GPC6: variants seen among roughly 807,000 people sequenced by gnomAD.
GPC6 encodes glypican 6.
A neutral mutation model predicts 55.2 loss-of-function variants in GPC6; 14 were observed. The observed-to-expected ratio is 0.25, with a 90% CI of 0.17 to 0.40. The LOEUF (loss-of-function observed/expected upper bound fraction) is 0.40. Ranked by LOEUF, GPC6 falls within the 10% of genes least tolerant of loss-of-function variation. The pLI is 1.00. For missense variants in GPC6, 641 were observed against 708.5 expected (o/e 0.90, Z 1.08); for synonymous variants, 278 against 259.6 (o/e 1.07, Z -0.68).
chr13:93,923,130 G>C (rs143233762), intron 3 of GPC6, among the ~76,000 whole-genome samples: 36 of 152,258 alleles, frequency 2.4e-4, no homozygotes, highest in African/African-American at 8.4e-4. Flanking sequence ...CACATTAACT[G>C]TTCTGTGTAC....
chr13:93,233,227 A>T (rs1876120731), intron 1 of GPC6, among the ~76,000 whole-genome samples: 1 of 152,120 alleles, frequency 6.6e-6, no homozygotes. Flanking sequence ...AGGGTTCCAT[A>T]GTGGTGAGAC....
chr13:93,968,503 A>T (rs901296950), intron 3 of GPC6, among the ~76,000 whole-genome samples: 2 of 152,162 alleles, frequency 1.3e-5, no homozygotes, highest in African/African-American at 4.8e-5. Context: ...TGTTAATATA[A>T]GACAATATTC....
intron 1 of GPC6, among the ~76,000 whole-genome samples, chr13:93,428,607 A>G (rs1566352020): frequency 6.6e-6 from 1 of 152,152 alleles, no homozygotes; most frequent in Non-Finnish European, 1.5e-5. Context: ...AATGATTATT[A>G]CGCAGAGTGC....
intron 2 of GPC6, among the ~76,000 whole-genome samples, chr13:93,704,436 A>G (rs1882776730): frequency 1.3e-5 from 2 of 151,952 alleles, no homozygotes; most frequent in Admixed American, 1.3e-4. Flanking sequence ...TAAAGCAGGA[A>G]TATCTTTAAT....
chr13:93,502,634 A>AT (rs1192263141), intron 1 of GPC6, among the ~76,000 whole-genome samples: 2 of 152,100 alleles, frequency 1.3e-5, no homozygotes, highest in African/African-American at 4.8e-5. Context: ...TTTCTTCAAC[A>AT]TTTTTTATGC....
intron 3 of GPC6, among the ~76,000 whole-genome samples, chr13:93,851,184 G>A (rs1888381544): frequency 6.6e-6 from 1 of 151,950 alleles, no homozygotes; most frequent in Admixed American, 6.6e-5. Context: ...ATGCCTAATG[G>A]ATTTCCATGG....
At chr13:93,617,361 ATCTC>A (rs1878766704) in intron 2 of GPC6, among the ~76,000 whole-genome samples, 1 of 152,148 alleles carries the variant, frequency 6.6e-6, no homozygotes, top group South Asian at 2.1e-4. Context: ...TGCCTCATTC[ATCTC>A]TCTATTTCTG....
intron 2 of GPC6, among the ~76,000 whole-genome samples, chr13:93,784,931 A>G (rs1479783946): frequency 1.3e-5 from 2 of 152,194 alleles, no homozygotes; most frequent in Non-Finnish European, 2.9e-5. Context: ...TGTATAATAG[A>G]TAAATTGAAT....
At chr13:93,565,689 T>G (rs1374466811) in intron 2 of GPC6, among the ~76,000 whole-genome samples, 1 of 152,030 alleles carries the variant, frequency 6.6e-6, no homozygotes, top group Non-Finnish European at 1.5e-5. Flanking sequence ...TTTGGGAGGC[T>G]AAAGCAGGTG....
chr13:93,461,800 G>A (rs750352844), intron 1 of GPC6, among the ~76,000 whole-genome samples: 4 of 152,144 alleles, frequency 2.6e-5, no homozygotes, highest in South Asian at 4.1e-4. Flanking sequence ...AAAATCATTC[G>A]TTCATAACCT....
At chr13:93,835,463 G>T (rs1337987489) in intron 3 of GPC6, among the ~76,000 whole-genome samples, 1 of 151,946 alleles carries the variant, frequency 6.6e-6, no homozygotes, top group South Asian at 2.1e-4. Context: ...TCAAAAAAAC[G>T]TGACTTCTGG....
chr13:94,234,695 C>T (rs994930957), intron 4 of GPC6, among the ~76,000 whole-genome samples: 3 of 151,578 alleles, frequency 2.0e-5, no homozygotes, highest in Non-Finnish European at 4.4e-5. Flanking sequence ...CTCTTTTTTT[C>T]CAGTGTTTCA....
chr13:94,149,387 T>G (rs115287842), intron 4 of GPC6, among the ~76,000 whole-genome samples: 3,358 of 152,240 alleles, frequency 0.022, 124 homozygotes, highest in African/African-American at 0.077. Flanking sequence ...CTTACTAATG[T>G]CAGTAAAGAC....
chr13:93,653,881 A>G (rs183036007), intron 2 of GPC6, among the ~76,000 whole-genome samples: 1 of 152,270 alleles, frequency 6.6e-6, no homozygotes, highest in East Asian at 1.9e-4. Flanking sequence ...TTAAATTTGG[A>G]TAGGCCATTG....
At chr13:93,825,860 C>CTTTTTTTTTTTTTTTTTTTT (rs1029574657) in intron 2 of GPC6, among the ~76,000 whole-genome samples, 4 of 124,184 alleles carry the variant, frequency 3.2e-5, no homozygotes, top group Non-Finnish European at 5.0e-5. Context: ...TTATTATTTT[C>CTTTTTTTTTTTTTTTTTTTT]TTTTTTTTTT....
intron 1 of GPC6, among the ~76,000 whole-genome samples, chr13:93,520,423 T>G (rs906671608): frequency 1.3e-5 from 2 of 151,854 alleles, no homozygotes; most frequent in Non-Finnish European, 2.9e-5. Context: ...CTCAAAAAAA[T>G]GCATTAATGT....
At chr13:93,857,394 T>A (rs977008959) in intron 3 of GPC6, among the ~76,000 whole-genome samples, 1 of 151,602 alleles carries the variant, frequency 6.6e-6, no homozygotes, top group Non-Finnish European at 1.5e-5. Context: ...TGTGCAGATG[T>A]TATCCAGAAT....
chr13:94,017,242 C>T (rs1882502539), intron 3 of GPC6, among the ~76,000 whole-genome samples: 2 of 152,176 alleles, frequency 1.3e-5, no homozygotes, highest in Non-Finnish European at 2.9e-5. Context: ...TATTTATTAG[C>T]TCCAGAAGGT....
rs146021749 is a variant in GPC6, at chr13:94,265,592, A to G, written c.878-20757A>G. On this transcript the variant is annotated intron_variant, in intron 4 of 8. Transcript: ENST00000377047. ...ATCAATACTATGCATCCTTCAACCC[A>G]ATCAAATTGACACTCAGTATTAACC... Among the ~76,000 whole-genome samples, 835 of 152,268 alleles carry G rather than the reference A, an allele frequency of 5.5e-3. 7 individuals carry two copies. Among genetic ancestry groups the G allele is most frequent in the Middle Eastern group, 0.01 (3 of 294 alleles).
Sources: allele counts gnomAD v4.1 joint callset (sites outside exome capture counted in the v4.1 genomes callset), GRCh38; gene constraint gnomAD v4.1.1; transcripts MANE v1.5; gene names NCBI Gene and HGNC (gene_info 2026-07-23, HGNC 2026-07-21).